The following SUCLG2 variants were observed in gnomAD, a reference collection of about 807,000 sequenced individuals.
SUCLG2 encodes the protein succinate-CoA ligase GDP-forming subunit beta, also known as succinate--CoA ligase [GDP-forming] subunit beta, mitochondrial.
SUCLG2 carries 42 observed loss-of-function variants against 47.9 expected under a neutral mutation model. That is an observed-to-expected ratio of 0.88 (90% CI 0.69 to 1.14). SUCLG2 has a LOEUF of 1.14. Among genes scored for constraint, SUCLG2 ranks in the 50% most tolerant of loss-of-function variants. The probability of loss-of-function intolerance (pLI) is 0.00; values close to 1 mark genes in which losing one functional copy is unlikely to be tolerated. For synonymous variants in SUCLG2, 195 were observed against 197.3 expected (o/e 0.99, Z 0.10); for missense variants, 571 against 525.9 (o/e 1.09, Z -0.84).
At chr3:67,498,074 A>G (rs1705395910) in intron 8 of SUCLG2, 60 bp downstream of exon 8, 1 of 1,495,404 alleles carries the variant, frequency 6.7e-7, no homozygotes, top group Non-Finnish European at 9.0e-7. Context: ...TTCAGAAATC[A>G]AGGTTTCCTA....
intron 9 of SUCLG2, among the ~76,000 whole-genome samples, chr3:67,476,020 T>TA (rs1704744848): frequency 2.0e-5 from 3 of 151,900 alleles, no homozygotes; most frequent in African/African-American, 7.3e-5. Context: ...TCTCACAAGC[T>TA]AATTTTGCCT....
intron 9 of SUCLG2, among the ~76,000 whole-genome samples, chr3:67,448,948 A>C (rs2106931506): frequency 6.6e-6 from 1 of 152,338 alleles, no homozygotes; most frequent in East Asian, 1.9e-4. Context: ...ATGAACACAG[A>C]ATTGTAACAA....
intron 9 of SUCLG2, among the ~76,000 whole-genome samples, chr3:67,477,222 T>C (rs929291248): frequency 6.6e-6 from 1 of 152,102 alleles, no homozygotes; most frequent in African/African-American, 2.4e-5. Context: ...ATTTAATTGC[T>C]CTGGAGTAAG....
At chr3:67,378,781 C>T (rs753161294) in intron 10 of SUCLG2, among the ~76,000 whole-genome samples, 5 of 152,294 alleles carry the variant, frequency 3.3e-5, no homozygotes, top group South Asian at 2.1e-4. Flanking sequence ...ACACAACCTG[C>T]GTGCACTTTG....
At chr3:67,368,143 A>C (rs1052984513) in intron 10 of SUCLG2, among the ~76,000 whole-genome samples, 4 of 152,110 alleles carry the variant, frequency 2.6e-5, no homozygotes, top group Non-Finnish European at 4.4e-5. Context: ...CTTCCCCTAA[A>C]ATTTTTGCAG....
chr3:67,407,822 G>C (rs1296870016), intron 9 of SUCLG2, among the ~76,000 whole-genome samples: 5 of 152,122 alleles, frequency 3.3e-5, no homozygotes, highest in Non-Finnish European at 5.9e-5. Context: ...TCTTGTTTAA[G>C]CATCTGTTTT....
chr3:67,473,951 A>G (rs887843850), intron 9 of SUCLG2, among the ~76,000 whole-genome samples: 1 of 152,164 alleles, frequency 6.6e-6, no homozygotes, highest in African/African-American at 2.4e-5. Context: ...TCTTGTGGTC[A>G]CTGAGTTTAA....
chr3:67,558,312 AT>A (rs1366922222), intron 2 of SUCLG2, among the ~76,000 whole-genome samples: 2 of 149,744 alleles, frequency 1.3e-5, no homozygotes, highest in African/African-American at 5.0e-5. Context: ...ATTAAAACTA[AT>A]TTTCTATTCT....
At chr3:67,516,278 T>G (rs1174012226) in intron 6 of SUCLG2, among the ~76,000 whole-genome samples, 1 of 152,210 alleles carries the variant, frequency 6.6e-6, no homozygotes, top group Non-Finnish European at 1.5e-5. Context: ...TATCCCTCAG[T>G]TCTCACATAT....
Position 67,502,534 on chromosome 3 carries a change from G to A in SUCLG2, c.758-4239C>T, listed in dbSNP as rs1212370264. On this transcript the variant is annotated intron_variant, in intron 7 of 10. Transcript: ENST00000307227. ...GTTCTACTCTAGGTGTTGGTGGCAG[G>A]AGAGATTGTATGCAAAGCGCTTAGC... 2.0e-5 allele frequency among the ~76,000 whole-genome samples: 3 copies of A among 152,198 alleles called. No individual in the cohort carries two copies. In the South Asian group the frequency reaches 6.2e-4, roughly 32 times the overall value.
chr3:67,429,304 C>G (rs898375346), intron 9 of SUCLG2, among the ~76,000 whole-genome samples: 1 of 152,166 alleles, frequency 6.6e-6, no homozygotes, highest in Non-Finnish European at 1.5e-5. Flanking sequence ...ATTCAACATT[C>G]TTAAAGAAAA....
chr3:67,392,218 G>A (rs76010824), intron 10 of SUCLG2, among the ~76,000 whole-genome samples: 11,353 of 152,022 alleles, frequency 0.075, 456 homozygotes, highest in Middle Eastern at 0.15. Context: ...ACTTCACAGT[G>A]ACATCTTTCA....
chr3:67,391,379 C>T (rs1364438786), intron 10 of SUCLG2, among the ~76,000 whole-genome samples: 1 of 152,032 alleles, frequency 6.6e-6, no homozygotes, highest in Non-Finnish European at 1.5e-5. Flanking sequence ...AAGAAGGACA[C>T]AATTTGCACT....
chr3:67,623,594 A>T (rs1479856636), intron 1 of SUCLG2, among the ~76,000 whole-genome samples: 1 of 152,192 alleles, frequency 6.6e-6, no homozygotes, highest in East Asian at 1.9e-4. Flanking sequence ...AGGGGAAAAA[A>T]TCTTGTTCTG....
intron 10 of SUCLG2, among the ~76,000 whole-genome samples, chr3:67,367,120 C>A (rs1288893136): frequency 6.6e-6 from 1 of 152,000 alleles, no homozygotes; most frequent in Non-Finnish European, 1.5e-5. Context: ...TCTTTGAGAA[C>A]CAGTAACTAA....
intron 10 of SUCLG2, among the ~76,000 whole-genome samples, chr3:67,369,696 G>C (rs1225744176): frequency 6.6e-6 from 1 of 152,204 alleles, no homozygotes; most frequent in African/African-American, 2.4e-5. Context: ...GGCGTATGCC[G>C]TTGCCATTTA....
At chr3:67,491,008 A>G (rs1705187399) in intron 9 of SUCLG2, among the ~76,000 whole-genome samples, 1 of 152,078 alleles carries the variant, frequency 6.6e-6, no homozygotes, top group Non-Finnish European at 1.5e-5. Context: ...AATAGGTAAA[A>G]CAAATCTGTG....
intron 9 of SUCLG2, among the ~76,000 whole-genome samples, chr3:67,447,166 T>A (rs73102378): frequency 3.9e-5 from 6 of 152,122 alleles, no homozygotes; most frequent in Non-Finnish European, 8.8e-5. Context: ...GAGTTAATTT[T>A]AAAAAATCAT....
chr3:67,614,820 A>G (rs1700595238), intron 1 of SUCLG2, among the ~76,000 whole-genome samples: 1 of 152,154 alleles, frequency 6.6e-6, no homozygotes, highest in South Asian at 2.1e-4. Context: ...TGTCTTGCCT[A>G]GGGATCATAT....
Sources: allele counts gnomAD v4.1 joint callset (sites outside exome capture counted in the v4.1 genomes callset), GRCh38; gene constraint gnomAD v4.1.1; transcripts MANE v1.5; gene names NCBI Gene and HGNC (gene_info 2026-07-23, HGNC 2026-07-21).